ADAMTS20: variants seen among roughly 807,000 people sequenced by gnomAD.
ADAMTS20 encodes the protein ADAM metallopeptidase with thrombospondin type 1 motif 20.
ADAMTS20 carries 225 observed loss-of-function variants against 260.1 expected under a neutral mutation model. The observed-to-expected ratio is 0.87, with a 90% CI of 0.78 to 0.97. ADAMTS20 has a LOEUF of 0.97. Among genes scored for constraint, ADAMTS20 ranks in the 50% least tolerant of loss-of-function variants. ADAMTS20 has a pLI of 0.00. For missense variants in ADAMTS20, 2,400 were observed against 2,337.7 expected (o/e 1.03, Z -0.55); for synonymous variants, 802 against 769.5 (o/e 1.04, Z -0.70).
At chr12:43,447,215 T>C (rs991316771) in intron 14 of ADAMTS20, among the ~76,000 whole-genome samples, 30 of 151,864 alleles carry the variant, frequency 2.0e-4, no homozygotes, top group Non-Finnish European at 2.8e-4. Flanking sequence ...GCCAATATCC[T>C]TGATGAATAC....
chr12:43,358,254 G>C (rs1299375878), intron 37 of ADAMTS20, among the ~76,000 whole-genome samples: 1 of 152,144 alleles, frequency 6.6e-6, no homozygotes, highest in Non-Finnish European at 1.5e-5. Flanking sequence ...GAGAGCCTTA[G>C]GTGGTCATTA....
intron 28 of ADAMTS20, among the ~76,000 whole-genome samples, chr12:43,413,077 G>A (rs1008578761): frequency 5.3e-5 from 8 of 151,932 alleles, no homozygotes; most frequent in African/African-American, 9.7e-5. Context: ...CCAAAGTGCC[G>A]GGATTACAGG....
intron 37 of ADAMTS20, among the ~76,000 whole-genome samples, chr12:43,362,770 A>G (rs1592025657): frequency 1.3e-5 from 2 of 151,840 alleles, no homozygotes; most frequent in South Asian, 4.2e-4. Flanking sequence ...TGGCACATGC[A>G]TACATATGTA....
At chr12:43,450,638 T>C (rs1941847682) in intron 14 of ADAMTS20, among the ~76,000 whole-genome samples, 1 of 152,146 alleles carries the variant, frequency 6.6e-6, no homozygotes, top group Non-Finnish European at 1.5e-5. Flanking sequence ...TAAAAGGTAT[T>C]TGTTCATGGG....
In ADAMTS20 at chr12:43,532,062, T is replaced by C. The variant is rs201308281; in HGVS notation, c.587A>G (p.Gln196Arg). ...TGACACACTGCAATACTTCAGAGTC[T>C]GCAGAAAAGAGTTATTTAAGTCTTG... ...YRQDLNNSFLQTLKYCSVSES... is the reference protein window; with the variant it reads ...YRQDLNNSFLRTLKYCSVSES... The change falls in exon 3 of 39, where the codon CAG becomes CGG. Residue 196 changes from glutamine (Q) to arginine (R), a missense_variant. Gln to Arg is a conservative substitution (Grantham distance 43). Coordinates refer to ENST00000389420, the MANE Select transcript of ADAMTS20 (RefSeq NM_025003.5). 1.2e-6 allele frequency: 2 copies of C among 1,604,452 alleles called. No homozygotes were observed. The highest frequency in any genetic ancestry group is 1.7e-6 in the Non-Finnish European group (2 of 1,175,068).
chr12:43,431,625 C>A, intron 21 of ADAMTS20, 129 bp from the exon 22 acceptor site: 1 of 1,082,078 alleles, frequency 9.2e-7, no homozygotes, highest in South Asian at 1.3e-5. Context: ...TTTTCCCTCA[C>A]TCCACCAGAG....
intron 7 of ADAMTS20, among the ~76,000 whole-genome samples, chr12:43,480,319 T>C (rs912200703): frequency 6.6e-6 from 1 of 152,060 alleles, no homozygotes; most frequent in South Asian, 2.1e-4. Flanking sequence ...TAGCAGTGTG[T>C]GGGGGGTAAA....
chr12:43,502,978 A>G (rs971372635), intron 3 of ADAMTS20, among the ~76,000 whole-genome samples: 5 of 152,230 alleles, frequency 3.3e-5, no homozygotes, highest in African/African-American at 1.2e-4. Flanking sequence ...ACTTGATTAT[A>G]TAAAATACCT....
In ADAMTS20 at chr12:43,449,502, C is replaced by A. The variant is rs186094459; in HGVS notation, c.2079+2772G>T. ...CCTGCTGAGGGTGGAGGGTAGGAGG[C>A]GCGAGAGGATCAGAAAAAGTAACTA... is the stretch of plus-strand genomic sequence containing the variant. On this transcript the variant is annotated intron_variant, in intron 14 of 38. Transcript: ENST00000389420. Among the ~76,000 whole-genome samples, 3 of 151,770 alleles carry A rather than the reference C, an allele frequency of 2.0e-5. No individual in the cohort carries two copies. The East Asian group carries it at 5.8e-4, about 29-fold the overall frequency.
Position 43,399,047 on chromosome 12 carries a change from T to TA in ADAMTS20, c.4452+18dup. 7.6e-7 allele frequency: 1 copy of TA among 1,322,934 alleles called. No homozygotes were observed. Among genetic ancestry groups the TA allele is most frequent in the African/African-American group, 1.5e-5 (1 of 65,230 alleles). 81.9% of individuals were successfully genotyped at this position (1,322,934 alleles called of 1,614,324 possible). On this transcript the variant is annotated intron_variant, in intron 29 of 38. Transcript: ENST00000389420. ...ATACAAAAAAATACATATATAATTA[T>TA]AAAATATACATCATATACCTCATTC...
intron 7 of ADAMTS20, among the ~76,000 whole-genome samples, chr12:43,490,061 C>T (rs1025972257): frequency 2.0e-5 from 3 of 151,930 alleles, no homozygotes; most frequent in African/African-American, 7.2e-5. Flanking sequence ...TGAGCATAGA[C>T]CAAGCAATAG....
At chr12:43,542,363 CA>C (rs943589519) in intron 2 of ADAMTS20, among the ~76,000 whole-genome samples, 1 of 152,098 alleles carries the variant, frequency 6.6e-6, no homozygotes, top group African/African-American at 2.4e-5. Context: ...AAAACAAACA[CA>C]AAAATACATA....
rs1034734334 is a variant in ADAMTS20, at chr12:43,390,969, A to AT, written c.4453-6993dup. On this transcript the variant is annotated intron_variant, in intron 29 of 38. Coordinates refer to ENST00000389420, the MANE Select transcript of ADAMTS20 (RefSeq NM_025003.5). ...TAGCAGCACCTCATTATCAGTACCA[A>AT]TTTTTTTTTATCTTAGTCTATTAGG... 9.3e-4 allele frequency among the ~76,000 whole-genome samples: 141 copies of AT among 151,818 alleles called. 1 individual carries two copies. Among genetic ancestry groups the AT allele is most frequent in the African/African-American group, 3.0e-3 (125 of 41,416 alleles).
At chr12:43,471,456 A>G (rs372587872) in intron 7 of ADAMTS20, among the ~76,000 whole-genome samples, 1 of 116,608 alleles carries the variant, frequency 8.6e-6, no homozygotes, top group African/African-American at 3.3e-5. Context: ...CAAAGGAGCC[A>G]GGAAGCTCGA....
At chr12:43,449,830 A>G (rs187323339) in intron 14 of ADAMTS20, among the ~76,000 whole-genome samples, 1 of 152,304 alleles carries the variant, frequency 6.6e-6, no homozygotes, top group East Asian at 1.9e-4. Context: ...GGTCATCCAC[A>G]GACCTCCTGC....
intron 3 of ADAMTS20, among the ~76,000 whole-genome samples, chr12:43,523,186 A>C (rs1045146456): frequency 1.3e-5 from 2 of 152,198 alleles, no homozygotes; most frequent in African/African-American, 4.8e-5. Context: ...AAACCTGGGA[A>C]TCCAGGTCAC....
intron 31 of ADAMTS20, among the ~76,000 whole-genome samples, chr12:43,380,752 A>G (rs570854879): frequency 3.9e-5 from 6 of 152,306 alleles, no homozygotes; most frequent in South Asian, 2.1e-4. Flanking sequence ...ACCTAAATTA[A>G]TGGAAATTCA....
chr12:43,393,234 G>T (rs566982283), intron 29 of ADAMTS20, among the ~76,000 whole-genome samples: 6 of 152,072 alleles, frequency 3.9e-5, no homozygotes, highest in South Asian at 2.1e-4. Context: ...TTTTAACAGT[G>T]TTATAGAACT....
intron 37 of ADAMTS20, among the ~76,000 whole-genome samples, chr12:43,360,087 T>TA (rs35248281): frequency 0.23 from 34,317 of 151,980 alleles, 4,636 homozygotes; most frequent in African/African-American, 0.37. Flanking sequence ...CCAGAACATA[T>TA]AAAAAAACTC....
Sources: allele counts gnomAD v4.1 joint callset (sites outside exome capture counted in the v4.1 genomes callset), GRCh38; gene constraint gnomAD v4.1.1; transcripts MANE v1.5; gene names NCBI Gene and HGNC (gene_info 2026-07-23, HGNC 2026-07-21).